PCDH15: variants seen among roughly 807,000 people sequenced by gnomAD.
PCDH15 encodes the protein protocadherin-15.
PCDH15 carries 129 observed loss-of-function variants against 178.5 expected under a neutral mutation model. The ratio of observed to expected loss-of-function variants is 0.72; its 90% CI spans 0.63 to 0.84. The LOEUF (loss-of-function observed/expected upper bound fraction) is 0.84, where lower values mean the gene tolerates loss of function less well. Ranked by LOEUF, PCDH15 falls within the 40% of genes least tolerant of loss-of-function variation. The probability of loss-of-function intolerance (pLI) is 0.00; values close to 1 mark genes in which losing one functional copy is unlikely to be tolerated. For synonymous variants in PCDH15, 800 were observed against 732.0 expected, an observed-to-expected ratio of 1.09 and a Z score of -1.50; for missense variants, 2,230 against 2,099.9, an observed-to-expected ratio of 1.06 and a Z score of -1.21.
chr10:54,640,684 C>G (rs1444429001), intron 2 of PCDH15, among the ~76,000 whole-genome samples: 1 of 151,340 alleles, frequency 6.6e-6, no homozygotes, highest in Non-Finnish European at 1.5e-5. Context: ...TTATAAATGA[C>G]AGGAATTTTA....
intron 2 of PCDH15, among the ~76,000 whole-genome samples, chr10:55,622,871 T>G (rs2132173354): frequency 6.6e-6 from 1 of 152,266 alleles, no homozygotes; most frequent in South Asian, 2.1e-4. Flanking sequence ...TTCTCCTGCC[T>G]CTTGGATTTG....
intron 1 of PCDH15, among the ~76,000 whole-genome samples, chr10:54,749,414 C>A (rs1945898315): frequency 6.6e-6 from 1 of 151,922 alleles, no homozygotes; most frequent in Admixed American, 6.5e-5. Flanking sequence ...TCAAAGAATC[C>A]AAAATTCTAG....
At chr10:54,737,188 T>C (rs1345265843) in intron 1 of PCDH15, among the ~76,000 whole-genome samples, 1 of 152,042 alleles carries the variant, frequency 6.6e-6, no homozygotes, top group Non-Finnish European at 1.5e-5. Context: ...AGGTCACTCA[T>C]ATTCGTTGCT....
At chr10:54,119,284 A>C (rs2095172682) in intron 15 of PCDH15, among the ~76,000 whole-genome samples, 2 of 152,094 alleles carry the variant, frequency 1.3e-5, no homozygotes, top group Admixed American at 6.5e-5. Flanking sequence ...AAAAAGATAA[A>C]CGTCTTAAAA....
intron 2 of PCDH15, among the ~76,000 whole-genome samples, chr10:55,479,602 G>C (rs1220624729): frequency 6.6e-6 from 1 of 151,520 alleles, no homozygotes; most frequent in Non-Finnish European, 1.5e-5. Flanking sequence ...CTGAAATCTA[G>C]ACTAAGCCAA....
At chr10:54,192,206 G>A (rs1452433117) in intron 11 of PCDH15, among the ~76,000 whole-genome samples, 1 of 149,144 alleles carries the variant, frequency 6.7e-6, no homozygotes. Flanking sequence ...AAAGAAGGAA[G>A]GAAGGAAAAA....
rs532610236 is a variant in PCDH15 at position 54,118,684 on chromosome 10, T to TA, written c.1917+14190dup. ...CAAAAATAAATAAATAAATAAATAT[T>TA]AAAAAAAATAAATTAACCCAAGATA... On this transcript the variant is annotated intron_variant, in intron 15 of 37. Transcript: ENST00000644397. 3.4e-3 allele frequency among the ~76,000 whole-genome samples: 507 copies of TA among 150,926 alleles called. 3 individuals are homozygous for TA. Among genetic ancestry groups the TA allele is most frequent in the African/African-American group, 0.012 (487 of 41,198 alleles).
chr10:54,528,916 C>G lies in PCDH15; in HGVS notation c.92-1039G>C, dbSNP rs2083625860. Among the ~76,000 whole-genome samples the G allele has an allele frequency of 2.0e-5, 3 of 152,074 alleles. No homozygotes were observed. In the South Asian group the frequency reaches 6.2e-4, roughly 32 times the overall value. On this transcript the variant is annotated intron_variant, in intron 2 of 37. Transcript: ENST00000644397. ...TTGCCTGCAGGATGTCAAATGTGCA[C>G]CTCTGAGACATAAAGTACTCTACTA...
At position 55,575,061 on chromosome 10, in the gene PCDH15, T is replaced by C. The variant is rs531710226; in HGVS notation, c.-156+52564A>G. ...AGCTTTTACTCACAAAAATCAGAGC[T>C]CTTCCTTGGCTCTCTTATTTGACCT... On this transcript the variant is annotated intron_variant, in intron 2 of 5. Transcript: ENST00000613346. 3.3e-5 allele frequency among the ~76,000 whole-genome samples: 5 copies of C among 152,222 alleles called. No homozygotes were observed. In the East Asian group the frequency reaches 9.7e-4, roughly 29 times the overall value.
chr10:54,185,086 T>G (rs1179847788), intron 12 of PCDH15, 48 bp downstream of exon 12: 1 of 1,597,644 alleles, frequency 6.3e-7, no homozygotes, highest in Non-Finnish European at 8.6e-7. Context: ...CAAACATACA[T>G]ACATACATTC....
chr10:55,451,359 G>C (rs1164658702), intron 2 of PCDH15, among the ~76,000 whole-genome samples: 1 of 151,978 alleles, frequency 6.6e-6, no homozygotes, highest in East Asian at 1.9e-4. Context: ...TTAGCCAGGT[G>C]TGGTGGCATG....
intron 1 of PCDH15, among the ~76,000 whole-genome samples, chr10:54,758,593 A>C (rs1328880997): frequency 1.3e-5 from 2 of 152,144 alleles, no homozygotes; most frequent in Non-Finnish European, 2.9e-5. Context: ...GTAAAGTTTT[A>C]TTTTACACTT....
intron 3 of PCDH15, among the ~76,000 whole-genome samples, chr10:54,431,897 A>G (rs548480611): frequency 6.6e-6 from 1 of 152,146 alleles, no homozygotes; most frequent in Non-Finnish European, 1.5e-5. Flanking sequence ...TGATAAACAA[A>G]TTCAGGAAAG....
intron 8 of PCDH15, among the ~76,000 whole-genome samples, chr10:54,315,868 T>C (rs942029853): frequency 3.9e-5 from 6 of 152,120 alleles, no homozygotes; most frequent in East Asian, 1.9e-4. Flanking sequence ...ATGTTTGTCA[T>C]CATTACTTTT....
chr10:55,144,308 G>T (rs1041388101), intron 2 of PCDH15, among the ~76,000 whole-genome samples: 1 of 151,880 alleles, frequency 6.6e-6, no homozygotes, highest in African/African-American at 2.4e-5. Flanking sequence ...TTATGTGAAG[G>T]AAAATAATAG....
At chr10:54,193,894 C>CT (rs887976977) in intron 11 of PCDH15, among the ~76,000 whole-genome samples, 33 of 151,902 alleles carry the variant, frequency 2.2e-4, no homozygotes, top group African/African-American at 7.5e-4. Flanking sequence ...TTTAATATCC[C>CT]TTTCTGAAAT....
intron 2 of PCDH15, among the ~76,000 whole-genome samples, chr10:54,548,260 A>G (rs528509133): frequency 3.7e-4 from 55 of 148,102 alleles, no homozygotes; most frequent in African/African-American, 1.2e-3. Context: ...GGCTTATTTA[A>G]GGAAACTTTA....
At chr10:54,529,853 T>C (rs2083730509) in intron 2 of PCDH15, among the ~76,000 whole-genome samples, 1 of 152,044 alleles carries the variant, frequency 6.6e-6, no homozygotes, top group African/African-American at 2.4e-5. Flanking sequence ...AAATGAATAA[T>C]TAGGCTTTGG....
chr10:54,888,058 T>C (rs974738373), intron 3 of PCDH15, among the ~76,000 whole-genome samples: 1 of 152,118 alleles, frequency 6.6e-6, no homozygotes, highest in East Asian at 1.9e-4. Context: ...TACAGTATAT[T>C]TCACACATGT....
Sources: allele counts gnomAD v4.1 joint callset (sites outside exome capture counted in the v4.1 genomes callset), GRCh38; gene constraint gnomAD v4.1.1; transcripts MANE v1.5; gene names NCBI Gene and HGNC (gene_info 2026-07-23, HGNC 2026-07-21).